The following TNPO1 variants were observed in gnomAD, a reference collection of about 807,000 sequenced individuals.
The protein encoded by TNPO1 is transportin-1.
A neutral mutation model predicts 119.5 loss-of-function variants in TNPO1; 8 were observed. The ratio of observed to expected loss-of-function variants is 0.07; its 90% CI spans 0.04 to 0.12. The LOEUF (loss-of-function observed/expected upper bound fraction) is 0.12. TNPO1 is among the 10% of genes least tolerant of loss of function. TNPO1 has a pLI of 1.00. For synonymous variants in TNPO1, 362 were observed against 363.0 expected (o/e 1.00, Z 0.03); for missense variants, 576 against 1,089.8 (o/e 0.53, Z 6.64).
intron 3 of TNPO1, among the ~76,000 whole-genome samples, chr5:72,855,023 C>T (rs1421981737): frequency 2.6e-5 from 4 of 151,208 alleles, no homozygotes; most frequent in African/African-American, 9.8e-5. Flanking sequence ...GACAGTCTCA[C>T]TCTGTCGCCT....
At chr5:72,899,940 T>C in intron 20 of TNPO1, 66 bp from the exon 21 acceptor site, 1 of 1,242,806 alleles carries the variant, frequency 8.0e-7, no homozygotes, top group Non-Finnish European at 1.2e-6. Context: ...TTTTTCTCCT[T>C]CCCCCTCATT....
Position 72,875,741 on chromosome 5 carries a change from A to G in TNPO1, c.801+4A>G. The G allele has an allele frequency of 6.3e-7, 1 of 1,593,536 alleles. No individual in the cohort carries two copies. The highest frequency in any genetic ancestry group is 8.6e-7 in the Non-Finnish European group (1 of 1,164,268). ...TCACATGCATAATATAGTTGAGGTA[A>G]CACTGGCAATTTAAAGGCTCTTTCA... On this transcript the variant is annotated splice_donor_region_variant and intron_variant, in intron 8 of 24. Coordinates refer to ENST00000337273, the MANE Select transcript of TNPO1 (RefSeq NM_002270.4).
chr5:72,854,873 G>A (rs1227679087), intron 3 of TNPO1, among the ~76,000 whole-genome samples: 1 of 152,026 alleles, frequency 6.6e-6, no homozygotes, highest in Non-Finnish European at 1.5e-5. Context: ...AGAGGCAAAT[G>A]AAAAACATGA....
In TNPO1 at chr5:72,888,277, C is replaced by T. The variant is rs201700049; in HGVS notation, c.1503C>T (p.Asn501=). The change falls in exon 13 of 25, where the codon AAC becomes AAT. Residue 501 remains asparagine (N), a synonymous_variant. Transcript: ENST00000337273. Reference sequence around the variant, plus strand: ...TGCTAAAGCGCATCCTGGACAGCAACAAGAGAGTACAAGAAGCTGCCTGCA... The same window carrying T: ...TGCTAAAGCGCATCCTGGACAGCAATAAGAGAGTACAAGAAGCTGCCTGCA... ...TELLKRILDS[N]KRVQEAACSA... 6 of 1,614,070 alleles carry T rather than the reference C, an allele frequency of 3.7e-6. No homozygotes were observed. The East Asian group carries it at 1.1e-4, about 30-fold the overall frequency.
intron 14 of TNPO1, among the ~76,000 whole-genome samples, chr5:72,890,449 G>A (rs746035329): frequency 7.2e-5 from 11 of 152,168 alleles, no homozygotes; most frequent in Non-Finnish European, 1.2e-4. Flanking sequence ...TAGTAGAAGA[G>A]GAGGATGGAT....
intron 11 of TNPO1, among the ~76,000 whole-genome samples, chr5:72,884,634 A>G (rs1193134263): frequency 6.6e-6 from 1 of 152,134 alleles, no homozygotes; most frequent in African/African-American, 2.4e-5. Context: ...CTAATTGGGG[A>G]TGAACCTAAA....
rs79424671 is a variant in TNPO1 at position 72,865,300 on chromosome 5, G to C, written c.463-296G>C. On this transcript the variant is annotated intron_variant, in intron 5 of 24. Coordinates refer to ENST00000337273, the MANE Select transcript of TNPO1 (RefSeq NM_002270.4). The stretch of plus-strand genomic sequence containing the variant: ...CTACAAAAAATACAAAACTTAGCCG[G>C]GCACAATGGCAGGCACCTGTAATCC... Among the ~76,000 whole-genome samples the C allele has an allele frequency of 9.1e-3, 1,378 of 151,876 alleles. 24 individuals are homozygous for C. Among genetic ancestry groups the C allele is most frequent in the African/African-American group, 0.032 (1,320 of 41,388 alleles).
chr5:72,856,035 G>A (rs891259086), intron 4 of TNPO1, 112 bp downstream of exon 4: 5 of 1,102,296 alleles, frequency 4.5e-6, no homozygotes, highest in Non-Finnish European at 6.7e-6. Flanking sequence ...ATTGTGTTGG[G>A]GAAACTTTCA....
intron 13 of TNPO1, among the ~76,000 whole-genome samples, chr5:72,889,194 A>G (rs971003799): frequency 6.6e-6 from 1 of 152,052 alleles, no homozygotes; most frequent in African/African-American, 2.4e-5. Flanking sequence ...AGTAGCTGGG[A>G]CTACAGGTGT....
chr5:72,899,882 A>C (rs954152784), intron 20 of TNPO1, 124 bp from the exon 21 acceptor site: 2 of 750,218 alleles, frequency 2.7e-6, no homozygotes, highest in Non-Finnish European at 2.2e-6. Flanking sequence ...TATCATACAC[A>C]AATTCTGTTG....
rs188018172 is a variant in TNPO1 at position 72,831,410 on chromosome 5, C to A, written c.15+14658C>A. On this transcript the variant is annotated intron_variant, in intron 1 of 24. Coordinates refer to ENST00000337273, the MANE Select transcript of TNPO1 (RefSeq NM_002270.4). The stretch of plus-strand genomic sequence containing the variant: ...AAAAATTAGGAAATTAGTGAAAGAT[C>A]CTTGTATTATTATGTCTGATATAAA... Among the ~76,000 whole-genome samples the A allele has an allele frequency of 3.3e-5, 5 of 151,748 alleles. No homozygotes were observed. In the East Asian group the frequency reaches 9.7e-4, roughly 29 times the overall value.
intron 2 of TNPO1, among the ~76,000 whole-genome samples, chr5:72,849,179 C>T (rs1745355984): frequency 6.6e-6 from 1 of 152,156 alleles, no homozygotes; most frequent in Admixed American, 6.5e-5. Flanking sequence ...TGGCTCAAGG[C>T]TGACTGCACA....
At position 72,888,193 on chromosome 5, in the gene TNPO1, T is replaced by C. The variant is rs1748793596; in HGVS notation, c.1419T>C (p.Tyr473=). Residue 473 remains tyrosine (Y), a synonymous_variant, in exon 13 of 25, where the codon TAT becomes TAC. Coordinates refer to ENST00000337273, the MANE Select transcript of TNPO1 (RefSeq NM_002270.4). ...TAACATGCTGGACTCTTAGCCGCTATGCACACTGGGTGGTCAGCCAGCCGC... is the reference window on the plus strand; with the variant it reads ...TAACATGCTGGACTCTTAGCCGCTACGCACACTGGGTGGTCAGCCAGCCGC... The part of the protein sequence containing the change: ...RSITCWTLSR[Y]AHWVVSQPPD... The C allele has an allele frequency of 1.9e-6, 3 of 1,614,076 alleles. No homozygotes were observed. The highest frequency in any genetic ancestry group is 2.7e-5 in the African/African-American group (2 of 74,902).
intron 12 of TNPO1, among the ~76,000 whole-genome samples, 176 bp from the exon 13 acceptor site, chr5:72,887,902 G>A (rs888792329): frequency 1.3e-5 from 2 of 152,178 alleles, no homozygotes; most frequent in Admixed American, 6.5e-5. Context: ...AGATGCTTGG[G>A]AGCAGGTAGC....
At position 72,887,160 on chromosome 5, in the gene TNPO1, T is replaced by A; in HGVS notation, c.1241T>A (p.Leu414His). Residue 414 changes from leucine (L) to histidine (H), a missense_variant, in exon 12 of 25, where the codon CTT (leucine) becomes CAT (histidine). Transcript: ENST00000337273. ...ATTTTGCCCCTTTTGAAAGAATTAC[T>A]TTTTCATCATGAATGGGTTGTTAAA... ...PHILPLLKEL[L>H]FHHEWVVKES... 1 of 1,614,022 alleles carries A rather than the reference T, an allele frequency of 6.2e-7. No individual in the cohort carries two copies. Among genetic ancestry groups the A allele is most frequent in the South Asian group, 1.1e-5 (1 of 91,066 alleles).
chr5:72,842,697 T>A (rs1744967553), intron 1 of TNPO1, among the ~76,000 whole-genome samples: 1 of 152,216 alleles, frequency 6.6e-6, no homozygotes, highest in African/African-American at 2.4e-5. Context: ...GTTTTAAAAA[T>A]CATTTTTATT....
At chr5:72,889,730 A>G (rs1361675959) in intron 13 of TNPO1, 56 bp from the exon 14 acceptor site, 3 of 1,503,850 alleles carry the variant, frequency 2.0e-6, no homozygotes, top group Non-Finnish European at 1.8e-6. Flanking sequence ...TTTAGCAATT[A>G]AGAGTTAGAT....
At chr5:72,897,892 G>T (rs1279140706) in intron 20 of TNPO1, among the ~76,000 whole-genome samples, 1 of 151,944 alleles carries the variant, frequency 6.6e-6, no homozygotes, top group Non-Finnish European at 1.5e-5. Flanking sequence ...ACTAGACAAA[G>T]ATTAAAATAA....
chr5:72,909,002 T>G lies in TNPO1; in HGVS notation c.*329T>G. ...CAAAACAGTACATTGTGGAATATTA[T>G]GGGGAATTGTACCAAAACAAGAACC... On this transcript the variant is annotated 3_prime_UTR_variant, in exon 25 of 25. Transcript: ENST00000337273. The G allele has an allele frequency of 5.1e-6, 2 of 391,026 alleles. No homozygotes were observed. The highest frequency in any genetic ancestry group is 3.8e-5 in the South Asian group (2 of 53,202). The allele number at this position is 391,026 out of a possible 1,614,324, so 24.2% of individuals were successfully genotyped here. A position where few individuals can be genotyped will look rare whatever the true frequency, so the allele number is the denominator to read the frequency against.
Sources: gnomAD v4.1 joint callset for allele counts (sites outside exome capture counted in the v4.1 genomes callset) on GRCh38, gnomAD v4.1.1 for gene constraint, MANE v1.5 for transcripts, NCBI Gene and HGNC (gene_info 2026-07-23, HGNC 2026-07-21) for gene names.